DISC1: variants seen among roughly 807,000 people sequenced by gnomAD.
DISC1 encodes disrupted in schizophrenia 1 protein.
DISC1 carries 57 observed loss-of-function variants against 84.5 expected under a neutral mutation model. That is an observed-to-expected ratio of 0.67 (90% CI 0.55 to 0.84). The LOEUF is 0.84. Among genes scored for constraint, DISC1 ranks in the 40% least tolerant of loss-of-function variants. DISC1 has a pLI of 0.00. For missense variants in DISC1, 1,000 were observed against 1,057.8 expected (o/e 0.95, Z 0.76); for synonymous variants, 411 against 415.2 (o/e 0.99, Z 0.12).
chr1:231,953,320 A>G (rs1233537756), intron 9 of DISC1, among the ~76,000 whole-genome samples: 1 of 152,114 alleles, frequency 6.6e-6, no homozygotes, highest in Non-Finnish European at 1.5e-5. Context: ...TTCAGTGTGA[A>G]ATTTCACTCA....
Position 231,694,560 on chromosome 1 carries a change from C to T in DISC1, c.802C>T (p.Leu268Phe), listed in dbSNP as rs775660207. ...DPRCLSRPFSLLATRVSADLA... is the reference protein window; with the variant it reads ...DPRCLSRPFSFLATRVSADLA... ...GCGATGTCTCTCTCGGCCCTTCAGT[C>T]TCTTGGCTACACGGGTCTCTGCAGA... The change falls in exon 2 of 13, where the codon CTC becomes TTC. Residue 268 changes from leucine (L) to phenylalanine (F), a missense_variant. Coordinates refer to ENST00000439617, the MANE Select transcript of DISC1 (RefSeq NM_018662.3). The T allele has an allele frequency of 1.2e-6, 2 of 1,614,140 alleles. No homozygotes were observed. The highest frequency in any genetic ancestry group is 1.7e-6 in the Non-Finnish European group (2 of 1,180,054).
At chr1:231,773,399 T>C (rs1184317234) in intron 6 of DISC1, among the ~76,000 whole-genome samples, 1 of 152,164 alleles carries the variant, frequency 6.6e-6, no homozygotes. Flanking sequence ...TGTTTGTATG[T>C]TTTGAGATAG....
At chr1:232,035,630 G>A (rs1158654476) in intron 12 of DISC1, among the ~76,000 whole-genome samples, 1 of 152,120 alleles carries the variant, frequency 6.6e-6, no homozygotes, top group Non-Finnish European at 1.5e-5. Context: ...CTGTTGTAGT[G>A]GTCTGGCTTC....
chr1:231,742,641 C>T (rs2073444471), intron 3 of DISC1, among the ~76,000 whole-genome samples: 1 of 152,058 alleles, frequency 6.6e-6, no homozygotes, highest in African/African-American at 2.4e-5. Flanking sequence ...AGCCTGGTGG[C>T]ACATACCTGT....
intron 9 of DISC1, among the ~76,000 whole-genome samples, chr1:231,853,958 T>C (rs748642292): frequency 1.3e-5 from 2 of 152,182 alleles, no homozygotes; most frequent in Non-Finnish European, 2.9e-5. Flanking sequence ...ACAATAATAA[T>C]CTGTTGTTTA....
intron 1 of DISC1, among the ~76,000 whole-genome samples, chr1:231,646,855 C>T (rs1407510527): frequency 6.6e-6 from 1 of 152,164 alleles, no homozygotes; most frequent in African/African-American, 2.4e-5. Context: ...GCATAAATGT[C>T]TTCTTTTGAG....
At chr1:231,840,259 A>G (rs774233901) in intron 9 of DISC1, among the ~76,000 whole-genome samples, 5 of 152,164 alleles carry the variant, frequency 3.3e-5, no homozygotes, top group Non-Finnish European at 7.4e-5. Context: ...TTATGGAGTT[A>G]AACATTACAC....
intron 9 of DISC1, among the ~76,000 whole-genome samples, chr1:231,864,375 G>A (rs986658711): frequency 3.3e-5 from 5 of 152,072 alleles, no homozygotes; most frequent in African/African-American, 1.2e-4. Flanking sequence ...GAAAACCTGA[G>A]GGGGTGGGCC....
intron 7 of DISC1, among the ~76,000 whole-genome samples, chr1:231,798,266 A>T (rs1195643160): frequency 6.6e-6 from 1 of 152,160 alleles, no homozygotes; most frequent in Non-Finnish European, 1.5e-5. Context: ...GATAAATGAG[A>T]TGGAAGAAAC....
chr1:231,733,208 AGT>A (rs2071831269), intron 3 of DISC1, among the ~76,000 whole-genome samples: 1 of 116,974 alleles, frequency 8.5e-6, no homozygotes, highest in Admixed American at 8.9e-5. Flanking sequence ...GCTCAGGAAG[AGT>A]GTAGGAGTGT....
chr1:231,893,344 T>A (rs1204003835), intron 9 of DISC1, among the ~76,000 whole-genome samples: 1 of 152,192 alleles, frequency 6.6e-6, no homozygotes, highest in African/African-American at 2.4e-5. Flanking sequence ...TCTAGAAAGC[T>A]TTAAATGCAA....
At position 231,762,203 on chromosome 1, in the gene DISC1, C is replaced by A. The variant is rs376637209; in HGVS notation, c.1269-4937C>A. ...TTCCTTCTTTTCTTTCTTTTCTTTT[C>A]TTTTCTTTTCTCTTCTTTTCTTTTC... is the stretch of plus-strand genomic sequence containing the variant. On this transcript the variant is annotated intron_variant, in intron 4 of 12. Coordinates refer to ENST00000439617, the MANE Select transcript of DISC1 (RefSeq NM_018662.3). Among the ~76,000 whole-genome samples the A allele has an allele frequency of 5.6e-4, 37 of 65,732 alleles. 1 individual carries two copies. Among genetic ancestry groups the A allele is most frequent in the East Asian group, 4.9e-3 (8 of 1,624 alleles). 43.1% of individuals were successfully genotyped at this position (65,732 alleles called of 152,430 possible).
intron 10 of DISC1, among the ~76,000 whole-genome samples, chr1:231,964,989 C>T (rs199874743): frequency 5.9e-5 from 9 of 152,200 alleles, no homozygotes; most frequent in Non-Finnish European, 1.2e-4. Context: ...TGGCTAGTCA[C>T]CATTTTGGGG....
At chr1:231,628,124 G>C (rs2125062531) in intron 1 of DISC1, among the ~76,000 whole-genome samples, 1 of 152,292 alleles carries the variant, frequency 6.6e-6, no homozygotes, top group Non-Finnish European at 1.5e-5. Context: ...AGTTTGATTT[G>C]ATTAATGCAG....
chr1:231,741,811 C>T (rs1394429171), intron 3 of DISC1, among the ~76,000 whole-genome samples: 1 of 152,218 alleles, frequency 6.6e-6, no homozygotes, highest in Non-Finnish European at 1.5e-5. Context: ...TTTTCTGGTT[C>T]CCTATGTCCG....
chr1:231,883,636 G>A (rs1394694852), intron 9 of DISC1, among the ~76,000 whole-genome samples: 1 of 152,180 alleles, frequency 6.6e-6, no homozygotes, highest in Non-Finnish European at 1.5e-5. Context: ...GCAGGTGGGT[G>A]CAGGTTAGAG....
chr1:231,661,748 G>A (rs1000131540), intron 1 of DISC1, among the ~76,000 whole-genome samples: 1 of 152,148 alleles, frequency 6.6e-6, no homozygotes, highest in East Asian at 1.9e-4. Flanking sequence ...ACTTCTGTCA[G>A]TTCAGTCATC....
intron 8 of DISC1, among the ~76,000 whole-genome samples, chr1:231,815,684 G>A (rs1284919280): frequency 1.3e-5 from 2 of 150,680 alleles, no homozygotes; most frequent in African/African-American, 4.9e-5. Context: ...GTTGCAGTGA[G>A]CTGAGATCGT....
rs2066456654 is a variant in DISC1, at chr1:231,701,803, G to C, written c.1048-152G>C. 7 of 630,550 alleles carry C rather than the reference G, an allele frequency of 1.1e-5. No homozygotes were observed. In the East Asian group the frequency reaches 2.2e-4, roughly 20 times the overall value. The allele number at this position is 630,550 out of a possible 1,614,324, so 39.1% of individuals were successfully genotyped here. On this transcript the variant is annotated intron_variant, in intron 2 of 12. Transcript: ENST00000439617. ...TTTTTTGGAGAAACTAATGCATCTGGCATTGAAAAAATGTGCATTTTTGTT... is the reference window on the plus strand; with the variant it reads ...TTTTTTGGAGAAACTAATGCATCTGCCATTGAAAAAATGTGCATTTTTGTT...
Sources: allele counts gnomAD v4.1 joint callset (sites outside exome capture counted in the v4.1 genomes callset), GRCh38; gene constraint gnomAD v4.1.1; transcripts MANE v1.5; gene names NCBI Gene and HGNC (gene_info 2026-07-23, HGNC 2026-07-21).